RIT2: variants seen among roughly 807,000 people sequenced by gnomAD.
RIT2 encodes Ras like without CAAX 2, also known as GTP-binding protein Rit2.
In RIT2, 24 loss-of-function variants were observed where a neutral mutation model predicts 23.7. The observed-to-expected ratio is 1.01, with a 90% CI of 0.73 to 1.43. RIT2 has a LOEUF of 1.43. RIT2 is among the 40% of genes most tolerant of loss of function. The probability of loss-of-function intolerance (pLI) is 0.00; values close to 1 mark genes in which losing one functional copy is unlikely to be tolerated. For missense variants in RIT2, 236 were observed against 266.9 expected (o/e 0.88, Z 0.81); for synonymous variants, 107 against 91.1 (o/e 1.17, Z -0.99).
intron 4 of RIT2, among the ~76,000 whole-genome samples, chr18:42,856,533 A>AG (rs1333118411): frequency 1.3e-5 from 2 of 152,178 alleles, no homozygotes; most frequent in Non-Finnish European, 2.9e-5. Context: ...AATCTGCCTT[A>AG]GGGGGAGTGA....
At chr18:43,091,255 A>G (rs1913416436) in intron 1 of RIT2, among the ~76,000 whole-genome samples, 1 of 152,028 alleles carries the variant, frequency 6.6e-6, no homozygotes, top group Non-Finnish European at 1.5e-5. Context: ...TTTAAGACAA[A>G]GAAAATAAAA....
At chr18:43,021,807 C>G (rs945275709) in intron 2 of RIT2, among the ~76,000 whole-genome samples, 10 of 152,068 alleles carry the variant, frequency 6.6e-5, no homozygotes, top group African/African-American at 2.4e-4. Context: ...AGTTAAACCT[C>G]TTTTCTTTAT....
At chr18:43,042,369 TG>T (rs1912148391) in intron 1 of RIT2, among the ~76,000 whole-genome samples, 1 of 152,216 alleles carries the variant, frequency 6.6e-6, no homozygotes. Context: ...TTATTTCTCT[TG>T]TACTTCAGTC....
chr18:42,889,602 A>G (rs951570444), intron 4 of RIT2, among the ~76,000 whole-genome samples: 15 of 152,110 alleles, frequency 9.9e-5, no homozygotes, highest in African/African-American at 3.6e-4. Context: ...CTGAAAAATC[A>G]GTGATTTTTT....
At chr18:42,898,036 CAGAG>C (rs1297934340) in intron 4 of RIT2, among the ~76,000 whole-genome samples, 1 of 152,152 alleles carries the variant, frequency 6.6e-6, no homozygotes, top group Non-Finnish European at 1.5e-5. Context: ...ATTGAGACTC[CAGAG>C]AGAAAGAGGC....
At chr18:42,868,478 G>A (rs1907531690) in intron 4 of RIT2, among the ~76,000 whole-genome samples, 1 of 152,134 alleles carries the variant, frequency 6.6e-6, no homozygotes, top group Non-Finnish European at 1.5e-5. Flanking sequence ...AAGATCTTAT[G>A]GTTAGTACAT....
intron 4 of RIT2, among the ~76,000 whole-genome samples, chr18:42,918,754 C>G (rs501460): frequency 0.023 from 3,432 of 152,136 alleles, 140 homozygotes; most frequent in African/African-American, 0.079. Context: ...ATTTATCTTC[C>G]AAGTTTCCCA....
At chr18:42,881,423 A>G (rs1263638112) in intron 4 of RIT2, among the ~76,000 whole-genome samples, 1 of 152,224 alleles carries the variant, frequency 6.6e-6, no homozygotes, top group Non-Finnish European at 1.5e-5. Context: ...CACATAAATA[A>G]AACTAAGCCA....
chr18:42,953,926 C>T (rs1049756215), intron 3 of RIT2, among the ~76,000 whole-genome samples: 1 of 152,116 alleles, frequency 6.6e-6, no homozygotes, highest in Non-Finnish European at 1.5e-5. Flanking sequence ...CTAGAATGAA[C>T]TCTATTTCTC....
At chr18:42,757,432 G>GCAA (rs1453899808) in intron 4 of RIT2, among the ~76,000 whole-genome samples, 1 of 152,014 alleles carries the variant, frequency 6.6e-6, no homozygotes, top group African/African-American at 2.4e-5. Context: ...AGGTATCTTG[G>GCAA]GCTCCTTCAA....
In RIT2 at chr18:42,744,292, C is replaced by A. The variant is rs192747975; in HGVS notation, c.427-572G>T. Among the ~76,000 whole-genome samples, 249 of 152,176 alleles carry A rather than the reference C, an allele frequency of 1.6e-3. 2 individuals are homozygous for A. Among genetic ancestry groups the A allele is most frequent in the African/African-American group, 5.7e-3 (237 of 41,496 alleles). On this transcript the variant is annotated intron_variant, in intron 4 of 4. Coordinates refer to ENST00000326695, the MANE Select transcript of RIT2 (RefSeq NM_002930.4). ...CTGTTTGGTGGTCTCTTCACATGGACGCACATGAAACTGTGGACCTCAGTC... is the reference window on the plus strand; with the variant it reads ...CTGTTTGGTGGTCTCTTCACATGGAAGCACATGAAACTGTGGACCTCAGTC...
chr18:42,940,796 G>C (rs766752682), intron 3 of RIT2, among the ~76,000 whole-genome samples: 35 of 152,152 alleles, frequency 2.3e-4, no homozygotes, highest in Non-Finnish European at 4.7e-4. Flanking sequence ...ATAGGGAGAT[G>C]AGAATCTCAA....
At chr18:42,826,873 T>A (rs1033068227) in intron 4 of RIT2, among the ~76,000 whole-genome samples, 1 of 152,044 alleles carries the variant, frequency 6.6e-6, no homozygotes, top group African/African-American at 2.4e-5. Context: ...GTTAGTAAAA[T>A]AAAATACATA....
chr18:42,837,182 T>TTTTTTTTTTTTTTTTTTTTTC (rs1906636769), intron 4 of RIT2, among the ~76,000 whole-genome samples: 1 of 132,510 alleles, frequency 7.5e-6, no homozygotes, highest in Non-Finnish European at 1.6e-5. Flanking sequence ...TTTTTTTTTT[T>TTTTTTTTTTTTTTTTTTTTTC]TTTGAGACGG....
intron 3 of RIT2, among the ~76,000 whole-genome samples, chr18:42,957,549 C>T (rs919861850): frequency 2.0e-5 from 3 of 152,188 alleles, no homozygotes; most frequent in East Asian, 3.9e-4. Flanking sequence ...TTTGGGAGGC[C>T]GAAGCAGGTG....
chr18:43,058,761 C>T (rs1022619827), intron 1 of RIT2, among the ~76,000 whole-genome samples: 3 of 151,982 alleles, frequency 2.0e-5, no homozygotes, highest in Non-Finnish European at 2.9e-5. Flanking sequence ...TGGTGGTATA[C>T]ACCTGTAGTT....
At chr18:43,103,925 A>G (rs946043085) in intron 1 of RIT2, among the ~76,000 whole-genome samples, 1 of 152,188 alleles carries the variant, frequency 6.6e-6, no homozygotes, top group Non-Finnish European at 1.5e-5. Flanking sequence ...AAGAAATCCC[A>G]CTACTGGGTA....
At chr18:42,948,816 C>T (rs914172236) in intron 3 of RIT2, among the ~76,000 whole-genome samples, 3 of 152,072 alleles carry the variant, frequency 2.0e-5, no homozygotes, top group Non-Finnish European at 4.4e-5. Context: ...ACCCTACTCC[C>T]AAGTCACCCT....
intron 1 of RIT2, among the ~76,000 whole-genome samples, chr18:43,052,738 C>A (rs1912412496): frequency 6.6e-6 from 1 of 152,080 alleles, no homozygotes; most frequent in East Asian, 1.9e-4. Context: ...ACCTGATCCT[C>A]CCAGTCTTTA....
Sources: allele counts gnomAD v4.1 joint callset (sites outside exome capture counted in the v4.1 genomes callset), GRCh38; gene constraint gnomAD v4.1.1; transcripts MANE v1.5; gene names NCBI Gene and HGNC (gene_info 2026-07-23, HGNC 2026-07-21).